VPS16: variants seen among roughly 807,000 people sequenced by gnomAD.
The protein encoded by VPS16 is VPS16 core subunit of CORVET and HOPS complexes, also known as vacuolar protein sorting-associated protein 16 homolog.
VPS16 carries 82 observed loss-of-function variants against 116.0 expected under a neutral mutation model. That is an observed-to-expected ratio of 0.71 (90% CI 0.59 to 0.85). The LOEUF is 0.85. Among genes scored for constraint, VPS16 ranks in the 40% least tolerant of loss-of-function variants. The pLI, the probability that VPS16 is intolerant of heterozygous loss-of-function variation, is 0.00. For missense variants in VPS16, 928 were observed against 1,090.6 expected, an observed-to-expected ratio of 0.85 and a Z score of 2.10; for synonymous variants, 406 against 420.7, an observed-to-expected ratio of 0.96 and a Z score of 0.43.
rs1039473398 is a variant in VPS16 at position 2,864,357 on chromosome 20, T to C, written c.1721-8T>C. 1 of 1,613,988 alleles carries C rather than the reference T, an allele frequency of 6.2e-7. No individual in the cohort carries two copies. On this transcript the variant is annotated splice_polypyrimidine_tract_variant and splice_region_variant and intron_variant, in intron 17 of 23. Coordinates refer to ENST00000380445, the MANE Select transcript of VPS16 (RefSeq NM_022575.4). The surrounding 1 kb of genome is among the most constrained non-coding windows in gnomAD (Gnocchi z 5.2). ...CTGGAATTCCCACTCCACCTTACTC[T>C]CCTGCAGTGTTCACGGTGTTGCTGC...
At position 2,866,206 on chromosome 20, in the gene VPS16, T is replaced by C; in HGVS notation, c.2272-6T>C. On this transcript the variant is annotated splice_polypyrimidine_tract_variant and splice_region_variant and intron_variant, in intron 22 of 23. Transcript: ENST00000380445. ...TTCTCCCTCCACCCGCTTCCTCTCCTCCAAGCCTTTTGTGGAGATCTGCAT... is the reference window on the plus strand; with the variant it reads ...TTCTCCCTCCACCCGCTTCCTCTCCCCCAAGCCTTTTGTGGAGATCTGCAT... 1 of 1,614,006 alleles carries C rather than the reference T, an allele frequency of 6.2e-7. No homozygotes were observed. The highest frequency in any genetic ancestry group is 8.5e-7 in the Non-Finnish European group (1 of 1,179,950).
intron 1 of VPS16, among the ~76,000 whole-genome samples, chr20:2,846,799 C>T (rs1244764323): frequency 6.6e-6 from 1 of 152,172 alleles, no homozygotes; most frequent in East Asian, 1.9e-4. Flanking sequence ...GTTCAGCTGC[C>T]CTGCCACAGA....
At chr20:2,857,432 T>C (rs1431430258) in intron 1 of VPS16, among the ~76,000 whole-genome samples, 1 of 152,222 alleles carries the variant, frequency 6.6e-6, no homozygotes, top group Non-Finnish European at 1.5e-5. Flanking sequence ...TTTGTAAAAT[T>C]TTCATTAGAT....
intron 1 of VPS16, among the ~76,000 whole-genome samples, chr20:2,842,900 A>ATCTATCGATAGATAGATGTATCTATC (rs1568621168): frequency 4.1e-5 from 1 of 24,488 alleles, no homozygotes; most frequent in Non-Finnish European, 1.5e-4. Flanking sequence ...ATAGATAGAT[A>ATCTATCGATAGATAGATGTATCTATC]GATATATGTT....
chr20:2,848,961 A>G (rs191903085), intron 1 of VPS16, among the ~76,000 whole-genome samples: 11 of 152,244 alleles, frequency 7.2e-5, no homozygotes, highest in Admixed American at 1.3e-4. Context: ...TGTCTTTGCT[A>G]TTGGCAGCAT....
chr20:2,862,161 G>A, intron 11 of VPS16, 31 bp downstream of exon 11: 1 of 1,604,608 alleles, frequency 6.2e-7, no homozygotes, highest in Non-Finnish European at 8.5e-7. Flanking sequence ...CCCAGTCCCA[G>A]AATGGTTCCT....
Position 2,865,516 on chromosome 20 carries a change from C to T in VPS16, c.2271+21C>T, listed in dbSNP as rs765735474. On this transcript the variant is annotated intron_variant, in intron 22 of 23. Transcript: ENST00000380445. This position sits in a 1 kb window ranked among gnomAD's most constrained non-coding sequence, Gnocchi z 5.2. ...ACCTGGTGAGGCAGGGTCCTCCCTC[C>T]AGCCCACTTCCAGTGAGGGTAGTCT... is the stretch of plus-strand genomic sequence containing the variant. 6.2e-7 allele frequency: 1 copy of T among 1,607,124 alleles called. No homozygotes were observed. The highest frequency in any genetic ancestry group is 8.5e-7 in the Non-Finnish European group (1 of 1,175,568).
Position 2,866,576 on chromosome 20 carries a change from G to A in VPS16, c.*2G>A, listed in dbSNP as rs1459143676. The A allele has an allele frequency of 3.1e-6, 5 of 1,614,018 alleles. No individual in the cohort carries two copies. Among genetic ancestry groups the A allele is most frequent in the African/African-American group, 2.7e-5 (2 of 75,048 alleles). ...AGGGCACAAGCCCAGAAGAAGTGAG[G>A]AGTCCATCCTGTACATCTCAAGCAA... On this transcript the variant is annotated 3_prime_UTR_variant, in exon 24 of 24. Coordinates refer to ENST00000380445, the MANE Select transcript of VPS16 (RefSeq NM_022575.4).
intron 1 of VPS16, among the ~76,000 whole-genome samples, chr20:2,854,265 A>ACACACACACACAC (rs375390884): frequency 4.0e-5 from 6 of 148,892 alleles, no homozygotes; most frequent in Admixed American, 1.3e-4. Context: ...ACACACACAC[A>ACACACACACACAC]AATTTTTTAG....
rs115844183 is a variant in VPS16 at position 2,862,286 on chromosome 20, A to G, written c.1071+156A>G. ...GCTGGCTCATGTAAACTGAAGAGAC[A>G]CTATGTCCTCCATGTGGTGTGATAG... On this transcript the variant is annotated intron_variant, in intron 11 of 23. Transcript: ENST00000380445. Among the ~76,000 whole-genome samples, 534 of 152,256 alleles carry G rather than the reference A, an allele frequency of 3.5e-3. 5 individuals are homozygous for G. The highest frequency in any genetic ancestry group is 0.013 in the African/African-American group (523 of 41,550).
intron 22 of VPS16, 90 bp from the exon 23 acceptor site, chr20:2,866,122 A>G: frequency 9.1e-7 from 1 of 1,093,518 alleles, no homozygotes; most frequent in East Asian, 2.5e-5. Flanking sequence ...ATATATATGG[A>G]CGATGTATGC....
At chr20:2,855,543 T>C (rs1322272216) in intron 1 of VPS16, among the ~76,000 whole-genome samples, 2 of 152,222 alleles carry the variant, frequency 1.3e-5, no homozygotes, top group African/African-American at 4.8e-5. Context: ...AAGCCAGGTG[T>C]TGACTTCTTT....
chr20:2,842,317 T>C (rs1486073131), intron 1 of VPS16, among the ~76,000 whole-genome samples: 3 of 151,782 alleles, frequency 2.0e-5, no homozygotes, highest in Admixed American at 1.3e-4. Flanking sequence ...CTCTGAAAAA[T>C]TAAAAATATT....
intron 1 of VPS16, among the ~76,000 whole-genome samples, chr20:2,843,435 G>GAA (rs77758460): frequency 1.5e-5 from 2 of 137,770 alleles, no homozygotes; most frequent in African/African-American, 2.7e-5. Flanking sequence ...CCATCTTGGG[G>GAA]AAAAAAAAAA....
chr20:2,866,227 T>C lies in VPS16; in HGVS notation c.2287T>C (p.Cys763Arg), dbSNP rs368012474. The change falls in exon 23 of 24, where the codon TGC becomes CGC. Residue 763 changes from cysteine to arginine, a missense_variant. Physicochemically the swap from Cys to Arg is radical, Grantham distance 180 (BLOSUM62 -3). Transcript: ENST00000380445. Reference sequence around the variant, plus strand: ...CTCCTCCAAGCCTTTTGTGGAGATCTGCATGAAACAACATAACAAATACGA... The same window carrying C: ...CTCCTCCAAGCCTTTTGTGGAGATCCGCATGAAACAACATAACAAATACGA... ...PIGYLPFVEI[C>R]MKQHNKYEAK... 6.8e-6 allele frequency: 11 copies of C among 1,614,048 alleles called. No homozygotes were observed. The highest frequency in any genetic ancestry group is 9.3e-6 in the Non-Finnish European group (11 of 1,180,038).
intron 10 of VPS16, 46 bp downstream of exon 10, chr20:2,861,945 T>C (rs1454771372): frequency 2.5e-6 from 4 of 1,607,654 alleles, no homozygotes; most frequent in Non-Finnish European, 3.4e-6. Flanking sequence ...TGGGGACTCC[T>C]CGGCACCCCA....
At chr20:2,847,753 A>G (rs140382522) in intron 1 of VPS16, among the ~76,000 whole-genome samples, 84 of 151,732 alleles carry the variant, frequency 5.5e-4, no homozygotes, top group African/African-American at 1.9e-3. Context: ...CTAGGATTAC[A>G]GGCGTGAGCC....
intron 7 of VPS16, 47 bp from the exon 8 acceptor site, chr20:2,861,178 A>G: frequency 1.2e-6 from 2 of 1,614,180 alleles, no homozygotes; most frequent in Non-Finnish European, 1.7e-6. Context: ...TTCGACTAGA[A>G]TGGTGACTGC....
In VPS16 at chr20:2,860,552, A is replaced by G; in HGVS notation, c.473A>G (p.Asn158Ser). 1.2e-6 allele frequency: 2 copies of G among 1,613,796 alleles called. No individual in the cohort carries two copies. Among genetic ancestry groups the G allele is most frequent in the East Asian group, 2.2e-5 (1 of 44,852 alleles). Residue 158 changes from asparagine (N) to serine (S), a missense_variant, in exon 5 of 24, where the codon AAT becomes AGT. By Grantham distance (46) the Asn-to-Ser change is conservative. Coordinates refer to ENST00000380445, the MANE Select transcript of VPS16 (RefSeq NM_022575.4). This position sits in a 1 kb window ranked among gnomAD's most constrained non-coding sequence, Gnocchi z 6.1. ...GCCCACCGCTTCACCCTCAGTGCCA[A>G]TGTGGGTGACCTCAAACTCCGCCGG... is the stretch of plus-strand genomic sequence containing the variant. ...TGAHRFTLSA[N>S]VGDLKLRRMP... is the part of the protein sequence containing the mutation.
Sources: allele counts gnomAD v4.1 joint callset (sites outside exome capture counted in the v4.1 genomes callset), GRCh38; gene constraint gnomAD v4.1.1; non-coding constraint Gnocchi (gnomAD v3.1); transcripts MANE v1.5; gene names NCBI Gene and HGNC (gene_info 2026-07-23, HGNC 2026-07-21).